The following UHRF1 variants were observed in gnomAD, a reference collection of about 807,000 sequenced individuals.
UHRF1 encodes the protein ubiquitin like with PHD and ring finger domains 1, also known as E3 ubiquitin-protein ligase UHRF1.
UHRF1 carries 9 observed loss-of-function variants against 96.5 expected under a neutral mutation model. The ratio of observed to expected loss-of-function variants is 0.09; its 90% CI spans 0.06 to 0.16. UHRF1 has a LOEUF of 0.16. Ranked by LOEUF, UHRF1 falls within the 10% of genes least tolerant of loss-of-function variation. The pLI, the probability that UHRF1 is intolerant of heterozygous loss-of-function variation, is 1.00. For missense variants in UHRF1, 626 were observed against 1,131.1 expected (o/e 0.55, Z 6.40); for synonymous variants, 455 against 469.9 (o/e 0.97, Z 0.41).
At chr19:4,938,747 T>G (rs2033294029) in intron 5 of UHRF1, among the ~76,000 whole-genome samples, 2 of 131,516 alleles carry the variant, frequency 1.5e-5, no homozygotes, top group South Asian at 2.7e-4. Flanking sequence ...TTTTTTTTTT[T>G]TTTTTTTTTT....
intron 5 of UHRF1, among the ~76,000 whole-genome samples, 166 bp from the exon 6 acceptor site, chr19:4,941,362 C>A (rs1026342778): frequency 6.6e-6 from 1 of 152,020 alleles, no homozygotes; most frequent in African/African-American, 2.4e-5. Context: ...TGAGCCACTG[C>A]GCCCTGTTCC....
chr19:4,923,292 G>A (rs2032762111), intron 2 of UHRF1, among the ~76,000 whole-genome samples: 1 of 152,128 alleles, frequency 6.6e-6, no homozygotes, highest in Non-Finnish European at 1.5e-5. Context: ...TCCTCCTGCC[G>A]CCTCCTGCTG....
rs17885763 is a variant in UHRF1, at chr19:4,954,988, C to T, written c.2130+166C>T. On this transcript the variant is annotated intron_variant, in intron 15 of 16. Coordinates refer to ENST00000650932, the MANE Select transcript of UHRF1 (RefSeq NM_001048201.3). The surrounding 1 kb of genome is among the most constrained non-coding windows in gnomAD (Gnocchi z 5.9). ...ACCATCACCACCTCCAGAACTTTAT[C>T]CTCTCCCCAGACTGAAACCCTGGCC... is the stretch of plus-strand genomic sequence containing the variant. Among the ~76,000 whole-genome samples, 1,009 of 152,204 alleles carry T rather than the reference C, an allele frequency of 6.6e-3. 10 individuals are homozygous for T. Among genetic ancestry groups the T allele is most frequent in the African/African-American group, 0.023 (946 of 41,512 alleles).
intron 2 of UHRF1, among the ~76,000 whole-genome samples, chr19:4,914,605 A>G (rs1026522839): frequency 3.3e-5 from 5 of 151,424 alleles, no homozygotes; most frequent in Non-Finnish European, 4.4e-5. Context: ...CTTTGGGCAG[A>G]CGGCCCAGCC....
intron 16 of UHRF1, among the ~76,000 whole-genome samples, chr19:4,960,153 T>G (rs931058684): frequency 3.9e-5 from 6 of 152,228 alleles, no homozygotes; most frequent in Non-Finnish European, 5.9e-5. Flanking sequence ...ATGCTTGGCC[T>G]GATGTGTGTG....
intron 2 of UHRF1, among the ~76,000 whole-genome samples, chr19:4,922,673 G>A (rs145379456): frequency 2.6e-5 from 4 of 152,346 alleles, no homozygotes; most frequent in South Asian, 2.1e-4. Context: ...TTCGGGTTGT[G>A]CAAGCTTCCT....
Position 4,930,797 on chromosome 19 carries a change from C to A in UHRF1, c.490C>A (p.Pro164Thr). 1.2e-6 allele frequency: 2 copies of A among 1,613,972 alleles called. No homozygotes were observed. ...GGTGGTCAGGGTGACGCGGAAGGCC[C>A]CCTCCCGGGACGAGCCCTGCAGCTC... ...AQVVRVTRKA[P>T]SRDEPCSSTS... is the part of the protein sequence containing the mutation. The change falls in exon 4 of 17, where the codon CCC (proline) becomes ACC (threonine). Residue 164 changes from proline to threonine, a missense_variant. By Grantham distance (38) the Pro-to-Thr change is conservative. Around this residue, in one of 11 missense-constraint regions of UHRF1, gnomAD observed 198 missense variants for 235.1 expected, o/e 0.84. Coordinates refer to ENST00000650932, the MANE Select transcript of UHRF1 (RefSeq NM_001048201.3). The surrounding 1 kb of genome is among the most constrained non-coding windows in gnomAD (Gnocchi z 4.4).
intron 5 of UHRF1, among the ~76,000 whole-genome samples, 178 bp from the exon 6 acceptor site, chr19:4,941,350 C>A (rs17880731): frequency 6.6e-6 from 1 of 152,048 alleles, no homozygotes; most frequent in Non-Finnish European, 1.5e-5. Flanking sequence ...GTATTACAGG[C>A]GTGAGCCACT....
intron 11 of UHRF1, 70 bp from the exon 12 acceptor site, chr19:4,950,541 G>A: frequency 6.5e-7 from 1 of 1,530,568 alleles, no homozygotes; most frequent in Non-Finnish European, 8.8e-7. Flanking sequence ...ACCACTCCCG[G>A]CTCCTGTGTT....
intron 13 of UHRF1, among the ~76,000 whole-genome samples, chr19:4,952,801 G>A (rs1212750262): frequency 1.3e-5 from 2 of 152,038 alleles, no homozygotes; most frequent in South Asian, 2.1e-4. Context: ...CTTCGAAATG[G>A]AGCGATGATG....
chr19:4,951,129 G>A, intron 13 of UHRF1, 133 bp downstream of exon 13: 1 of 1,245,050 alleles, frequency 8.0e-7, no homozygotes, highest in South Asian at 1.6e-5. Context: ...AGCTGGGTAT[G>A]GTGGCGGGTG....
intron 5 of UHRF1, among the ~76,000 whole-genome samples, chr19:4,939,315 C>T (rs186934952): frequency 8.9e-4 from 134 of 151,212 alleles, no homozygotes; most frequent in African/African-American, 3.1e-3. Context: ...CTGCCTCAGC[C>T]TCCCAAAAGG....
intron 15 of UHRF1, 123 bp from the exon 16 acceptor site, chr19:4,956,586 C>T: frequency 2.9e-6 from 2 of 685,960 alleles, no homozygotes; most frequent in South Asian, 3.3e-5. Context: ...ATGGCCCCCG[C>T]CTCCTGGAGT....
chr19:4,921,221 A>G (rs1356783700), intron 2 of UHRF1, among the ~76,000 whole-genome samples: 2 of 151,890 alleles, frequency 1.3e-5, no homozygotes, highest in African/African-American at 4.8e-5. Context: ...GGGTGGATCA[A>G]CTGAGGTGGG....
In UHRF1 at chr19:4,930,782, G is replaced by T. The variant is rs753942436; in HGVS notation, c.475G>T (p.Val159Leu). 5.6e-6 allele frequency: 9 copies of T among 1,613,864 alleles called. No homozygotes were observed. The African/African-American group carries it at 9.3e-5, about 17-fold the overall frequency. The change falls in exon 4 of 17, where the codon GTG (valine) becomes TTG (leucine). Residue 159 changes from valine to leucine, a missense_variant. Coordinates refer to ENST00000650932, the MANE Select transcript of UHRF1 (RefSeq NM_001048201.3). This position sits in a 1 kb window ranked among gnomAD's most constrained non-coding sequence, Gnocchi z 4.4. ...GAWFEAQVVRVTRKAPSRDEP... is the reference protein window; with the variant it reads ...GAWFEAQVVRLTRKAPSRDEP... Reference sequence around the variant, plus strand: ...GTGGTTTGAGGCGCAGGTGGTCAGGGTGACGCGGAAGGCCCCCTCCCGGGA... The same window carrying T: ...GTGGTTTGAGGCGCAGGTGGTCAGGTTGACGCGGAAGGCCCCCTCCCGGGA...
chr19:4,955,733 G>A (rs949841966), intron 15 of UHRF1, among the ~76,000 whole-genome samples: 4 of 151,732 alleles, frequency 2.6e-5, no homozygotes, highest in Admixed American at 6.6e-5. Context: ...GGTGTCTTTC[G>A]AGTCATCCGA....
upstream of UHRF1, among the ~76,000 whole-genome samples, chr19:4,908,677 A>G (rs2032128293): frequency 6.6e-6 from 1 of 152,112 alleles, no homozygotes; most frequent in Admixed American, 6.6e-5. Context: ...CCCGCCTCCC[A>G]CCACATGGCT....
intron 2 of UHRF1, among the ~76,000 whole-genome samples, chr19:4,927,160 C>T (rs575045935): frequency 8.4e-4 from 127 of 151,920 alleles, no homozygotes; most frequent in Non-Finnish European, 1.4e-3. Context: ...TGGGTGGATC[C>T]CTTCAGCGTA....
At position 4,933,960 on chromosome 19, in the gene UHRF1, TGTGTGTGTGTGC is replaced by T. The variant is rs1399676830; in HGVS notation, c.785+1016_785+1027del. Among the ~76,000 whole-genome samples the T allele has an allele frequency of 1.8e-3, 150 of 85,524 alleles. 3 individuals carry two copies. The highest frequency in any genetic ancestry group is 0.013 in the South Asian group (23 of 1,718). The allele number at this position is 85,524 out of a possible 152,430, so 56.1% of individuals were successfully genotyped here. A position where few individuals can be genotyped will look rare whatever the true frequency, so the allele number is the denominator to read the frequency against. On this transcript the variant is annotated intron_variant, in intron 5 of 16. Coordinates refer to ENST00000650932, the MANE Select transcript of UHRF1 (RefSeq NM_001048201.3). ...CTGTTCTTTCTCCCTTGCCTCTTTG[TGTGTGTGTGTGC>T]GTGTGTGTGTGTGTGTGTGTGTGTG...
Sources: allele counts gnomAD v4.1 joint callset (sites outside exome capture counted in the v4.1 genomes callset), GRCh38; gene constraint gnomAD v4.1.1; regional missense constraint gnomAD v4.1.1; non-coding constraint Gnocchi (gnomAD v3.1); transcripts MANE v1.5; gene names NCBI Gene and HGNC (gene_info 2026-07-23, HGNC 2026-07-21).